The following GPC5 variants were observed in gnomAD, a reference collection of about 807,000 sequenced individuals.
GPC5 encodes the protein glypican 5.
A neutral mutation model predicts 53.9 loss-of-function variants in GPC5; 47 were observed. That is an observed-to-expected ratio of 0.87 (90% confidence interval 0.69 to 1.11). The LOEUF is 1.11. Ranked by LOEUF, GPC5 falls within the 50% of genes most tolerant of loss-of-function variation. GPC5 has a pLI of 0.00. For missense variants in GPC5, 748 were observed against 713.1 expected, an observed-to-expected ratio of 1.05 and a Z score of -0.56; for synonymous variants, 286 against 263.3, an observed-to-expected ratio of 1.09 and a Z score of -0.84.
At chr13:91,662,567 A>C (rs951316598) in intron 2 of GPC5, among the ~76,000 whole-genome samples, 1 of 152,194 alleles carries the variant, frequency 6.6e-6, no homozygotes, top group Non-Finnish European at 1.5e-5. Context: ...TCTAAGTAAT[A>C]AATCTCTTAA....
chr13:92,629,464 G>C (rs995542), intron 7 of GPC5, among the ~76,000 whole-genome samples: 66,859 of 151,888 alleles, frequency 0.44, 15,465 homozygotes, highest in East Asian at 0.69. Flanking sequence ...CCTTATTTGT[G>C]TATCTAGCAT....
rs865913366 is a variant in GPC5, at chr13:92,469,433, A to T, written c.1561+324444A>T. Among the ~76,000 whole-genome samples the T allele has an allele frequency of 5.9e-5, 9 of 152,142 alleles. No homozygotes were observed. In the East Asian group the frequency reaches 1.7e-3, roughly 29 times the overall value. ...AATCTATTTATTAACTAGTTCAAACATTTATTTCACCAATGAACAAACAGA... is the reference window on the plus strand; with the variant it reads ...AATCTATTTATTAACTAGTTCAAACTTTTATTTCACCAATGAACAAACAGA... On this transcript the variant is annotated intron_variant, in intron 7 of 7. Transcript: ENST00000377067.
At chr13:91,809,174 C>T (rs1485384204) in intron 5 of GPC5, among the ~76,000 whole-genome samples, 1 of 152,108 alleles carries the variant, frequency 6.6e-6, no homozygotes, top group Non-Finnish European at 1.5e-5. Context: ...ATTATACTTA[C>T]ACAACATCAG....
intron 7 of GPC5, among the ~76,000 whole-genome samples, chr13:92,171,024 A>G (rs1365843810): frequency 6.6e-6 from 1 of 152,050 alleles, no homozygotes; most frequent in East Asian, 1.9e-4. Flanking sequence ...GCTGCTACAC[A>G]CCTACTCTAT....
intron 7 of GPC5, among the ~76,000 whole-genome samples, chr13:92,379,052 C>T (rs1179179613): frequency 6.6e-6 from 1 of 152,118 alleles, no homozygotes; most frequent in Non-Finnish European, 1.5e-5. Flanking sequence ...TGAGGTAACC[C>T]AGTTTTGAAG....
intron 7 of GPC5, among the ~76,000 whole-genome samples, chr13:92,444,448 C>A (rs1877708839): frequency 6.6e-6 from 1 of 152,060 alleles, no homozygotes; most frequent in African/African-American, 2.4e-5. Flanking sequence ...TCAATTAGAT[C>A]AGCCTGCTGG....
intron 7 of GPC5, among the ~76,000 whole-genome samples, chr13:92,621,622 C>A (rs1269536849): frequency 6.6e-6 from 1 of 152,084 alleles, no homozygotes; most frequent in Admixed American, 6.6e-5. Context: ...GAGCTCAAGA[C>A]CAGCCTGGCC....
chr13:91,632,390 G>A (rs765388948), intron 2 of GPC5, among the ~76,000 whole-genome samples: 10 of 152,078 alleles, frequency 6.6e-5, no homozygotes, highest in Non-Finnish European at 1.3e-4. Context: ...GAGGATCCAG[G>A]TAACAGTGAT....
At chr13:92,305,050 G>C (rs1365172990) in intron 7 of GPC5, among the ~76,000 whole-genome samples, 4 of 152,116 alleles carry the variant, frequency 2.6e-5, no homozygotes, top group Non-Finnish European at 5.9e-5. Flanking sequence ...TTTCAAAGTT[G>C]TTTAAGAATA....
intron 7 of GPC5, among the ~76,000 whole-genome samples, chr13:92,594,294 G>A (rs963928886): frequency 5.9e-5 from 9 of 152,118 alleles, no homozygotes; most frequent in African/African-American, 2.2e-4. Context: ...AGGCAGGCAC[G>A]GGACTGTCAC....
At chr13:91,726,291 G>T (rs1371139199) in intron 3 of GPC5, among the ~76,000 whole-genome samples, 1 of 152,068 alleles carries the variant, frequency 6.6e-6, no homozygotes, top group Non-Finnish European at 1.5e-5. Flanking sequence ...TCAAAATTAA[G>T]ATTTCTTATT....
chr13:91,871,984 T>C (rs561038678), intron 5 of GPC5, among the ~76,000 whole-genome samples: 1 of 152,174 alleles, frequency 6.6e-6, no homozygotes, highest in Non-Finnish European at 1.5e-5. Flanking sequence ...TGAAAAGAAA[T>C]GACAGTTGGT....
chr13:91,463,616 A>T (rs1300786591), intron 2 of GPC5, among the ~76,000 whole-genome samples: 1 of 151,832 alleles, frequency 6.6e-6, no homozygotes, highest in Non-Finnish European at 1.5e-5. Context: ...AGAACAGATT[A>T]GAGAACCCAC....
intron 5 of GPC5, among the ~76,000 whole-genome samples, chr13:91,851,962 C>T (rs911890613): frequency 5.3e-5 from 8 of 150,442 alleles, no homozygotes; most frequent in Admixed American, 1.3e-4. Flanking sequence ...AATAAACATA[C>T]GCGTGCATGT....
intron 6 of GPC5, among the ~76,000 whole-genome samples, chr13:91,911,647 T>C (rs754770575): frequency 1.3e-4 from 20 of 151,894 alleles, no homozygotes; most frequent in Non-Finnish European, 2.5e-4. Context: ...CTATGAAAAA[T>C]GGACCCTGCA....
chr13:92,768,794 T>C lies in GPC5; in HGVS notation c.1562-97488T>C, dbSNP rs538056026. 2.0e-5 allele frequency among the ~76,000 whole-genome samples: 3 copies of C among 151,562 alleles called. No individual in the cohort carries two copies. In the South Asian group the frequency reaches 6.3e-4, roughly 32 times the overall value. On this transcript the variant is annotated intron_variant, in intron 7 of 7. Coordinates refer to ENST00000377067, the MANE Select transcript of GPC5 (RefSeq NM_004466.6). Reference sequence around the variant, plus strand: ...CCCTGACTGCACTTATGATCTAATATGCCTGCCTGGTCCACCCTCTCCCAG... The same window carrying C: ...CCCTGACTGCACTTATGATCTAATACGCCTGCCTGGTCCACCCTCTCCCAG...
chr13:92,866,560 C>G lies in GPC5; in HGVS notation c.*121C>G. 1.2e-6 allele frequency: 1 copy of G among 836,716 alleles called. No individual in the cohort carries two copies. Among genetic ancestry groups the G allele is most frequent in the Non-Finnish European group, 1.7e-6 (1 of 579,332 alleles). The allele number at this position is 836,716 out of a possible 1,614,324, so 51.8% of individuals were successfully genotyped here. A position where few individuals can be genotyped will look rare whatever the true frequency, so the allele number is the denominator to read the frequency against. On this transcript the variant is annotated 3_prime_UTR_variant, in exon 8 of 8. Transcript: ENST00000377067. ...TATATTTATGAAAAGATATGTTACA[C>G]TAACTTCTCAGAAGCCAAGCTGAAA...
At chr13:92,524,424 T>G (rs1383420672) in intron 7 of GPC5, among the ~76,000 whole-genome samples, 1 of 152,112 alleles carries the variant, frequency 6.6e-6, no homozygotes, top group East Asian at 1.9e-4. Context: ...AAAAAGTCTA[T>G]CTATGTTCAG....
chr13:91,413,663 G>A (rs1334527598), intron 1 of GPC5, among the ~76,000 whole-genome samples: 2 of 152,190 alleles, frequency 1.3e-5, no homozygotes, highest in Non-Finnish European at 2.9e-5. Context: ...ACACTTTCCA[G>A]GCTCCTGGGA....
Sources: gnomAD v4.1 joint callset for allele counts (sites outside exome capture counted in the v4.1 genomes callset) on GRCh38, gnomAD v4.1.1 for gene constraint, MANE v1.5 for transcripts, NCBI Gene and HGNC (gene_info 2026-07-23, HGNC 2026-07-21) for gene names.